The following VPS13A variants were observed in gnomAD, a reference collection of about 807,000 sequenced individuals.
The protein encoded by VPS13A is vacuolar protein sorting 13 homolog A.
VPS13A carries 264 observed loss-of-function variants against 390.9 expected under a neutral mutation model. The ratio of observed to expected loss-of-function variants is 0.68; its 90% CI spans 0.61 to 0.75. The LOEUF is 0.75. Among genes scored for constraint, VPS13A ranks in the 30% least tolerant of loss-of-function variants. The pLI, the probability that VPS13A is intolerant of heterozygous loss-of-function variation, is 0.00. For missense variants in VPS13A, 3,409 were observed against 3,733.9 expected (o/e 0.91, Z 2.27); for synonymous variants, 1,231 against 1,227.1 (o/e 1.00, Z -0.07).
rs556377465 is a variant in VPS13A at position 77,270,247 on chromosome 9, A to C, written c.2428-3033A>C. 2.6e-5 allele frequency among the ~76,000 whole-genome samples: 4 copies of C among 152,298 alleles called. No individual in the cohort carries two copies. In the East Asian group the frequency reaches 7.7e-4, roughly 29 times the overall value. On this transcript the variant is annotated intron_variant, in intron 23 of 71. Transcript: ENST00000360280. ...AAAACCTAGATTCTATCGTTTAATAAATTATTGATATAAAATATGGACGTT... is the reference window on the plus strand; with the variant it reads ...AAAACCTAGATTCTATCGTTTAATACATTATTGATATAAAATATGGACGTT...
chr9:77,290,904 A>G (rs61338626), intron 31 of VPS13A, among the ~76,000 whole-genome samples: 2,172 of 152,324 alleles, frequency 0.014, 49 homozygotes, highest in African/African-American at 0.05. Context: ...TTTTAGTTTC[A>G]ACATTGATGT....
chr9:77,212,952 T>C lies in VPS13A; in HGVS notation c.556-17T>C. ...TGGAATGACCTTTTTACTGCCATTGTTTTTTTTCCTTTTCAGACAACTGAT... is the reference window on the plus strand; with the variant it reads ...TGGAATGACCTTTTTACTGCCATTGCTTTTTTTCCTTTTCAGACAACTGAT... On this transcript the variant is annotated splice_polypyrimidine_tract_variant and intron_variant, in intron 7 of 71. Transcript: ENST00000360280. The C allele has an allele frequency of 6.2e-7, 1 of 1,612,364 alleles. No homozygotes were observed. Among genetic ancestry groups the C allele is most frequent in the Non-Finnish European group, 8.5e-7 (1 of 1,178,764 alleles).
chr9:77,188,836 T>A (rs1824499875), intron 1 of VPS13A, among the ~76,000 whole-genome samples: 1 of 152,142 alleles, frequency 6.6e-6, no homozygotes, highest in African/African-American at 2.4e-5. Flanking sequence ...TGTAGGATCG[T>A]ATCTCACTAA....
intron 40 of VPS13A, 49 bp downstream of exon 40, chr9:77,317,747 A>G (rs1213103409): frequency 1.4e-6 from 2 of 1,392,264 alleles, no homozygotes; most frequent in Admixed American, 2.0e-5. Context: ...TAAAAAAAGT[A>G]GTAAAGCCTA....
intron 13 of VPS13A, among the ~76,000 whole-genome samples, chr9:77,225,249 A>C (rs781048795): frequency 9.9e-5 from 15 of 152,114 alleles, no homozygotes; most frequent in Non-Finnish European, 2.1e-4. Context: ...ACATAATATG[A>C]AGGATTTACG....
At chr9:77,395,463 T>C (rs2131635566) in intron 68 of VPS13A, among the ~76,000 whole-genome samples, 1 of 152,204 alleles carries the variant, frequency 6.6e-6, no homozygotes, top group Non-Finnish European at 1.5e-5. Context: ...ACAGATATAA[T>C]AATGATAAAA....
At position 77,273,355 on chromosome 9, in the gene VPS13A, T is replaced by G. The variant is rs144821464; in HGVS notation, c.2503T>G (p.Ser835Ala). The G allele has an allele frequency of 6.2e-7, 1 of 1,607,868 alleles. No individual in the cohort carries two copies. The highest frequency in any genetic ancestry group is 1.3e-5 in the African/African-American group (1 of 74,814). Residue 835 changes from serine (S) to alanine (A), a missense_variant, in exon 24 of 72, where the codon TCT (serine) becomes GCT (alanine). By Grantham distance (99) the Ser-to-Ala change is moderately conservative (BLOSUM62 1). Transcript: ENST00000360280. ...IIPLLELPSV[S>A]EDDSEEEFFD... Reference sequence around the variant, plus strand: ...TCCTCTCTTGGAACTTCCATCTGTTTCTGAAGATGGTAAAATGAAACTGCT... The same window carrying G: ...TCCTCTCTTGGAACTTCCATCTGTTGCTGAAGATGGTAAAATGAAACTGCT...
intron 36 of VPS13A, 120 bp from the exon 37 acceptor site, chr9:77,314,375 C>G: frequency 2.7e-6 from 3 of 1,114,848 alleles, no homozygotes; most frequent in Non-Finnish European, 3.9e-6. Flanking sequence ...TAGAGCCCTT[C>G]GGAGACAGAA....
At chr9:77,227,691 G>GT (rs1007715897) in intron 16 of VPS13A, among the ~76,000 whole-genome samples, 178 of 143,226 alleles carry the variant, frequency 1.2e-3, no homozygotes, top group African/African-American at 1.7e-3. Context: ...AATTTTTGTG[G>GT]TTTTTTTTTT....
intron 71 of VPS13A, among the ~76,000 whole-genome samples, chr9:77,409,220 C>G (rs747837691): frequency 2.0e-5 from 3 of 152,236 alleles, no homozygotes; most frequent in Non-Finnish European, 4.4e-5. Context: ...TCCAACAGAC[C>G]TGCAGCTGAG....
intron 71 of VPS13A, among the ~76,000 whole-genome samples, chr9:77,409,362 A>G (rs10869923): frequency 0.17 from 26,478 of 152,204 alleles, 2,947 homozygotes; most frequent in East Asian, 0.36. Flanking sequence ...AACAGAGCAG[A>G]AAATCTGGAA....
chr9:77,365,120 C>A (rs1477063355), intron 59 of VPS13A, among the ~76,000 whole-genome samples: 1 of 152,084 alleles, frequency 6.6e-6, no homozygotes, highest in Non-Finnish European at 1.5e-5. Context: ...CTACAAAATA[C>A]AAGTTGACTG....
chr9:77,344,108 G>A (rs377610360), intron 50 of VPS13A, 45 bp from the exon 51 acceptor site: 65 of 1,454,872 alleles, frequency 4.5e-5, no homozygotes, highest in Non-Finnish European at 5.7e-5. Flanking sequence ...TATATTTATG[G>A]TGAAATCTGT....
intron 71 of VPS13A, among the ~76,000 whole-genome samples, chr9:77,410,518 G>T (rs1392405022): frequency 1.3e-5 from 2 of 152,112 alleles, no homozygotes; most frequent in Non-Finnish European, 2.9e-5. Flanking sequence ...ATAGAGTCAA[G>T]ACCCATCAGT....
In VPS13A at chr9:77,219,992, A is replaced by G. The variant is rs1400738801; in HGVS notation, c.793A>G (p.Asn265Asp). The G allele has an allele frequency of 1.2e-6, 2 of 1,613,660 alleles. No individual in the cohort carries two copies. The highest frequency in any genetic ancestry group is 1.7e-6 in the Non-Finnish European group (2 of 1,179,700). Residue 265 changes from asparagine (N) to aspartate (D), a missense_variant, in exon 11 of 72, where the codon AAT becomes GAT. Asn to Asp is a conservative substitution (Grantham distance 23). This residue lies in a region of VPS13A where 2,717 missense variants were observed against 2,917.4 expected (regional missense o/e 0.93). Coordinates refer to ENST00000360280, the MANE Select transcript of VPS13A (RefSeq NM_033305.3). ...ATCTGCTAATGCCAAACTTGTGATG[A>G]ATCGCCGATCTGATTTTGACTTTTC... ...PISANAKLVM[N>D]RRSDFDFSAP...
At chr9:77,187,536 C>T (rs901487083) in intron 1 of VPS13A, among the ~76,000 whole-genome samples, 2 of 151,970 alleles carry the variant, frequency 1.3e-5, no homozygotes, top group Admixed American at 1.3e-4. Flanking sequence ...GGAGAAACAT[C>T]TATTTAAGTC....
At chr9:77,197,505 T>C (rs1388016012) in intron 1 of VPS13A, among the ~76,000 whole-genome samples, 3 of 152,238 alleles carry the variant, frequency 2.0e-5, no homozygotes, top group Admixed American at 2.0e-4. Context: ...TTTATCATTA[T>C]ATAATGCCCT....
At chr9:77,409,885 A>C (rs1834832075) in intron 71 of VPS13A, among the ~76,000 whole-genome samples, 1 of 151,488 alleles carries the variant, frequency 6.6e-6, no homozygotes, top group Non-Finnish European at 1.5e-5. Flanking sequence ...GATATTATCC[A>C]GGAGAACTTC....
chr9:77,260,208 C>G lies in VPS13A; in HGVS notation c.2411C>G (p.Pro804Arg). Reference protein sequence around the residue: ...KPEPVTEVSAPVKSFQIQTST... With the variant: ...KPEPVTEVSARVKSFQIQTST... ...GAACCAGTAACTGAAGTATCTGCCCCTGTCAAATCATTCCAGGTAATGTTA... is the reference window on the plus strand; with the variant it reads ...GAACCAGTAACTGAAGTATCTGCCCGTGTCAAATCATTCCAGGTAATGTTA... The change falls in exon 23 of 72, where the codon CCT becomes CGT. Residue 804 changes from proline to arginine, a missense_variant. Coordinates refer to ENST00000360280, the MANE Select transcript of VPS13A (RefSeq NM_033305.3). The G allele has an allele frequency of 1.2e-6, 2 of 1,613,364 alleles. No individual in the cohort carries two copies. The highest frequency in any genetic ancestry group is 1.7e-5 in the Admixed American group (1 of 60,000).
Sources: allele counts gnomAD v4.1 joint callset (sites outside exome capture counted in the v4.1 genomes callset), GRCh38; gene constraint gnomAD v4.1.1; regional missense constraint gnomAD v4.1.1; transcripts MANE v1.5; gene names NCBI Gene and HGNC (gene_info 2026-07-23, HGNC 2026-07-21).